The following ADAMTSL1 variants were observed in gnomAD, a reference collection of about 807,000 sequenced individuals.
ADAMTSL1 encodes ADAMTS-like protein 1.
In ADAMTSL1, 126 loss-of-function variants were observed where a neutral mutation model predicts 201.8. That is an observed-to-expected ratio of 0.62 (90% CI 0.54 to 0.72). The LOEUF (loss-of-function observed/expected upper bound fraction) is 0.72. ADAMTSL1 is among the 30% of genes least tolerant of loss of function. The probability of loss-of-function intolerance (pLI) is 0.00; values close to 1 mark genes in which losing one functional copy is unlikely to be tolerated. For missense variants in ADAMTSL1, 2,679 were observed against 2,277.8 expected (o/e 1.18, Z -3.59); for synonymous variants, 1,121 against 903.4 (o/e 1.24, Z -4.32).
chr9:18,005,682 A>G (rs559780380), intron 1 of ADAMTSL1, among the ~76,000 whole-genome samples: 56 of 152,218 alleles, frequency 3.7e-4, no homozygotes, highest in African/African-American at 1.3e-3. Flanking sequence ...CACATCTGGT[A>G]GACAGTGAAA....
chr9:17,936,290 A>G (rs950981084), intron 1 of ADAMTSL1, among the ~76,000 whole-genome samples: 4 of 152,164 alleles, frequency 2.6e-5, no homozygotes, highest in Non-Finnish European at 5.9e-5. Context: ...CTTTAAAAAA[A>G]ATCACTGTAG....
intron 23 of ADAMTSL1, among the ~76,000 whole-genome samples, chr9:18,836,856 T>C (rs1370318616): frequency 6.6e-6 from 1 of 152,198 alleles, no homozygotes; most frequent in Non-Finnish European, 1.5e-5. Context: ...TATTTTTGTG[T>C]ATTTTTGTGT....
chr9:18,579,516 A>T (rs1282135170), intron 4 of ADAMTSL1, among the ~76,000 whole-genome samples: 1 of 152,186 alleles, frequency 6.6e-6, no homozygotes, highest in Non-Finnish European at 1.5e-5. Flanking sequence ...ATAAATAAAA[A>T]AAATAAAGTG....
At chr9:18,270,557 T>C (rs1390040321) in intron 2 of ADAMTSL1, among the ~76,000 whole-genome samples, 3 of 152,218 alleles carry the variant, frequency 2.0e-5, no homozygotes, top group African/African-American at 7.2e-5. Flanking sequence ...GTGTGAGTAT[T>C]GCCTATATAA....
intron 23 of ADAMTSL1, among the ~76,000 whole-genome samples, chr9:18,875,407 T>G (rs113200176): frequency 0.065 from 9,848 of 152,192 alleles, 556 homozygotes; most frequent in South Asian, 0.14. Flanking sequence ...AACTTTCCTC[T>G]TAGCACCACC....
chr9:18,536,112 G>A (rs977879034), intron 3 of ADAMTSL1, among the ~76,000 whole-genome samples: 6 of 152,100 alleles, frequency 3.9e-5, no homozygotes, highest in Non-Finnish European at 8.8e-5. Context: ...AGTGATAACA[G>A]AAGCAGCATT....
intron 23 of ADAMTSL1, among the ~76,000 whole-genome samples, chr9:18,881,965 G>A: frequency 6.6e-6 from 1 of 152,180 alleles, no homozygotes; most frequent in Non-Finnish European, 1.5e-5. Flanking sequence ...GGCCAAGAGA[G>A]GTTTCCTGGC....
At chr9:17,991,865 G>C (rs1819165840) in intron 1 of ADAMTSL1, among the ~76,000 whole-genome samples, 1 of 152,058 alleles carries the variant, frequency 6.6e-6, no homozygotes, top group African/African-American at 2.4e-5. Context: ...TTCCCTCGGG[G>C]GTGCTTCCTT....
At chr9:18,284,350 T>G (rs747288901) in intron 2 of ADAMTSL1, among the ~76,000 whole-genome samples, 4 of 152,260 alleles carry the variant, frequency 2.6e-5, no homozygotes, top group Non-Finnish European at 4.4e-5. Context: ...CATATGCTTA[T>G]GTACCAATTT....
chr9:18,074,577 T>G (rs1823127980), intron 1 of ADAMTSL1, among the ~76,000 whole-genome samples: 1 of 151,510 alleles, frequency 6.6e-6, no homozygotes, highest in Non-Finnish European at 1.5e-5. Flanking sequence ...TTTTTCTTCT[T>G]TCTTTTTTTG....
intron 2 of ADAMTSL1, among the ~76,000 whole-genome samples, chr9:18,363,018 A>T (rs1424360515): frequency 1.3e-5 from 2 of 152,222 alleles, no homozygotes; most frequent in African/African-American, 4.8e-5. Flanking sequence ...CTAATTTAGA[A>T]CAAAAGGACT....
At chr9:18,072,229 T>A (rs1229718162) in intron 1 of ADAMTSL1, among the ~76,000 whole-genome samples, 2 of 152,234 alleles carry the variant, frequency 1.3e-5, no homozygotes, top group Admixed American at 1.3e-4. Flanking sequence ...TTACTTTCGA[T>A]GGCAGCTGAT....
At chr9:18,746,491 C>G (rs1428481049) in intron 15 of ADAMTSL1, among the ~76,000 whole-genome samples, 1 of 152,142 alleles carries the variant, frequency 6.6e-6, no homozygotes, top group East Asian at 1.9e-4. Context: ...TTAAAGAATA[C>G]TTCTAAAAAA....
At chr9:18,509,455 A>G (rs1292637529) in intron 2 of ADAMTSL1, among the ~76,000 whole-genome samples, 5 of 152,158 alleles carry the variant, frequency 3.3e-5, no homozygotes, top group Admixed American at 2.0e-4. Flanking sequence ...ACTAATCCTC[A>G]GTGGAATATC....
At chr9:18,308,906 C>T (rs1834010974) in intron 2 of ADAMTSL1, among the ~76,000 whole-genome samples, 1 of 152,176 alleles carries the variant, frequency 6.6e-6, no homozygotes. Flanking sequence ...AGGCCAATAT[C>T]CTTGATGAAC....
At chr9:18,315,898 A>G (rs1047551539) in intron 2 of ADAMTSL1, among the ~76,000 whole-genome samples, 11 of 152,178 alleles carry the variant, frequency 7.2e-5, no homozygotes, top group African/African-American at 2.4e-4. Context: ...TGATCTAGCA[A>G]TCCTACTTCT....
chr9:18,680,452 T>C lies in ADAMTSL1; in HGVS notation c.1277T>C (p.Met426Thr). ...EEWKCMYTPK[M>T]PIAQPCNIFD... is the part of the protein sequence containing the mutation. ...TGGAAATGCATGTACACCCCTAAGA[T>C]GCCCATCGCGCAGCCCTGCAACATT... Residue 426 changes from methionine (M) to threonine (T), a missense_variant, in exon 11 of 29, where the codon ATG becomes ACG. Physicochemically the swap from Met to Thr is moderately conservative, Grantham distance 81. Coordinates refer to ENST00000380548, the MANE Select transcript of ADAMTSL1 (RefSeq NM_001040272.6). 1 of 1,614,154 alleles carries C rather than the reference T, an allele frequency of 6.2e-7. No individual in the cohort carries two copies. The highest frequency in any genetic ancestry group is 8.5e-7 in the Non-Finnish European group (1 of 1,180,026).
rs1050204900 is a variant in ADAMTSL1 at position 18,616,290 on chromosome 9, G to A, written c.475-5953G>A. Among the ~76,000 whole-genome samples, 3 of 152,314 alleles carry A rather than the reference G, an allele frequency of 2.0e-5. No homozygotes were observed. In the South Asian group the frequency reaches 6.2e-4, roughly 32 times the overall value. ...TCCGCCTGCCTTGGCCTCCCAAAGTGTTGGGATTACAGGCATAAGCCACCA... is the reference window on the plus strand; with the variant it reads ...TCCGCCTGCCTTGGCCTCCCAAAGTATTGGGATTACAGGCATAAGCCACCA... On this transcript the variant is annotated intron_variant, in intron 4 of 28. Coordinates refer to ENST00000380548, the MANE Select transcript of ADAMTSL1 (RefSeq NM_001040272.6).
intron 15 of ADAMTSL1, among the ~76,000 whole-genome samples, chr9:18,738,547 C>T (rs1304033744): frequency 6.6e-6 from 1 of 151,988 alleles, no homozygotes; most frequent in Non-Finnish European, 1.5e-5. Flanking sequence ...GAAACACTCT[C>T]CATGTTTTTT....
Sources: gnomAD v4.1 joint callset for allele counts (sites outside exome capture counted in the v4.1 genomes callset) on GRCh38, gnomAD v4.1.1 for gene constraint, MANE v1.5 for transcripts, NCBI Gene and HGNC (gene_info 2026-07-23, HGNC 2026-07-21) for gene names.